The following ICA1L variants were observed in gnomAD, a reference collection of about 807,000 sequenced individuals.
The protein encoded by ICA1L is islet cell autoantigen 1 like.
A neutral mutation model predicts 61.3 loss-of-function variants in ICA1L; 50 were observed. The ratio of observed to expected loss-of-function variants is 0.82; its 90% CI spans 0.65 to 1.03. The LOEUF (loss-of-function observed/expected upper bound fraction) is 1.03, where lower values mean the gene tolerates loss of function less well. Ranked by LOEUF, ICA1L falls within the 50% of genes least tolerant of loss-of-function variation. The probability of loss-of-function intolerance (pLI) is 0.00; values close to 1 mark genes in which losing one functional copy is unlikely to be tolerated. For synonymous variants in ICA1L, 161 were observed against 191.3 expected (o/e 0.84, Z 1.31); for missense variants, 508 against 556.7 (o/e 0.91, Z 0.88).
chr2:202,869,750 A>G (rs1470053294), intron 1 of ICA1L: 1 of 152,206 alleles, frequency 6.6e-6, no homozygotes, highest in Non-Finnish European at 1.5e-5. Flanking sequence ...AAATTAAAAA[A>G]GGAATTTTAA....
chr2:202,812,109 G>GT (rs913394233), intron 8 of ICA1L, among the ~76,000 whole-genome samples: 3 of 152,142 alleles, frequency 2.0e-5, no homozygotes, highest in African/African-American at 7.2e-5. Flanking sequence ...GCCTTGAAAG[G>GT]TTTTAAGAAC....
At chr2:202,862,999 T>C (rs1055740440) in intron 1 of ICA1L, among the ~76,000 whole-genome samples, 5 of 149,282 alleles carry the variant, frequency 3.3e-5, no homozygotes, top group African/African-American at 1.2e-4. Context: ...ATACCTACAT[T>C]AGAAAAAAAA....
At chr2:202,871,434 C>T (rs1687711365) in intron 1 of ICA1L, 185 bp downstream of exon 1, 1 of 152,116 alleles carries the variant, frequency 6.6e-6, no homozygotes, top group African/African-American at 2.4e-5. Flanking sequence ...AGGCAGCGGC[C>T]GGGGTCCCCC....
At position 202,828,830 on chromosome 2, in the gene ICA1L, T is replaced by A; in HGVS notation, c.162+18A>T. On this transcript the variant is annotated intron_variant, in intron 2 of 12. Coordinates refer to ENST00000358299, the MANE Select transcript of ICA1L (RefSeq NM_001288622.3). Reference sequence around the variant, plus strand: ...ATAATGGCTGGTTATATGCAATACATAGAATCCTCAAATTTACCTCAAGTT... The same window carrying A: ...ATAATGGCTGGTTATATGCAATACAAAGAATCCTCAAATTTACCTCAAGTT... 1.2e-6 allele frequency: 2 copies of A among 1,608,710 alleles called. No individual in the cohort carries two copies. Among genetic ancestry groups the A allele is most frequent in the Non-Finnish European group, 1.7e-6 (2 of 1,175,092 alleles).
intron 12 of ICA1L, among the ~76,000 whole-genome samples, chr2:202,784,885 A>G (rs1484722208): frequency 6.6e-6 from 1 of 152,196 alleles, no homozygotes; most frequent in Non-Finnish European, 1.5e-5. Context: ...GTTTCACAGC[A>G]GTATGAACAT....
Position 202,779,536 on chromosome 2 carries a change from A to G in ICA1L, c.1446T>C (p.Ala482=), listed in dbSNP as rs773636449. 4 of 1,571,274 alleles carry G rather than the reference A, an allele frequency of 2.5e-6. No homozygotes were observed. Among genetic ancestry groups the G allele is most frequent in the Non-Finnish European group, 2.6e-6 (3 of 1,144,970 alleles). The change falls in exon 13 of 13, where the codon GCT becomes GCC. Residue 482 remains alanine (A), a synonymous_variant. Transcript: ENST00000358299. ...IGHSDDELLN[A] is the part of the protein sequence containing the mutation. The stretch of plus-strand genomic sequence containing the variant: ...TGAAGTGACATTATAACTTCAGTCA[A>G]GCATTAAGAAGTTCATCATCTGAGT...
Position 202,773,518 on chromosome 2 carries a change from T to A in ICA1L, c.*6015A>T, listed in dbSNP as rs1692119358. 6.1e-6 allele frequency: 2 copies of A among 329,562 alleles called. No individual in the cohort carries two copies. The highest frequency in any genetic ancestry group is 4.5e-5 in the Admixed American group (1 of 22,182). The allele number at this position is 329,562 out of a possible 1,614,324, so 20.4% of individuals were successfully genotyped here. ...AAAATGTTTCTTCTGATAAAGCAGT[T>A]ATGTCAGAGCCTTCAAAAAACACGG... On this transcript the variant is annotated 3_prime_UTR_variant, in exon 13 of 13. Coordinates refer to ENST00000358299, the MANE Select transcript of ICA1L (RefSeq NM_001288622.3).
In ICA1L at chr2:202,777,736, T is replaced by TG. The variant is rs1692268357; in HGVS notation, c.*1796dup. The TG allele has an allele frequency of 6.6e-6, 1 of 152,216 alleles. No homozygotes were observed. 9.4% of individuals were successfully genotyped at this position (152,216 alleles called of 1,614,324 possible). A position where few individuals can be genotyped will look rare whatever the true frequency, so the allele number is the denominator to read the frequency against. ...ATTGTAGATGGCTATGGATGGGACATGGACTGCATTTTACCTACTCTGGTC... is the reference window on the plus strand; with the variant it reads ...ATTGTAGATGGCTATGGATGGGACATGGGACTGCATTTTACCTACTCTGGTC... On this transcript the variant is annotated 3_prime_UTR_variant, in exon 13 of 13. Transcript: ENST00000358299.
chr2:202,797,897 T>C (rs574001230), intron 9 of ICA1L, among the ~76,000 whole-genome samples: 7 of 152,184 alleles, frequency 4.6e-5, no homozygotes, highest in East Asian at 1.9e-4. Context: ...TTGAACTTAC[T>C]CCTCCCGGTC....
intron 1 of ICA1L, among the ~76,000 whole-genome samples, chr2:202,865,060 G>A (rs550268229): frequency 6.6e-6 from 1 of 152,212 alleles, no homozygotes; most frequent in African/African-American, 2.4e-5. Context: ...CTACTCAGGA[G>A]GCTGAGGCAG....
intron 1 of ICA1L, chr2:202,870,527 T>C (rs1687671189): frequency 6.6e-6 from 1 of 152,150 alleles, no homozygotes; most frequent in Non-Finnish European, 1.5e-5. Flanking sequence ...AATACATACA[T>C]ACCATTCGGA....
In ICA1L at chr2:202,849,546, C is replaced by T. The variant is rs1311832522; in HGVS notation, c.-7-20530G>A. On this transcript the variant is annotated intron_variant, in intron 1 of 12. Transcript: ENST00000358299. The surrounding 1 kb of genome is among the most constrained non-coding windows in gnomAD (Gnocchi z 4.5). Reference sequence around the variant, plus strand: ...AGACTGGGCAGAACTCACCACAGTGCGGGAAAGTGGCTATGGCCAGACTGC... The same window carrying T: ...AGACTGGGCAGAACTCACCACAGTGTGGGAAAGTGGCTATGGCCAGACTGC... 6.6e-6 allele frequency among the ~76,000 whole-genome samples: 1 copy of T among 152,180 alleles called. No homozygotes were observed. Among genetic ancestry groups the T allele is most frequent in the African/African-American group, 2.4e-5 (1 of 41,448 alleles).
chr2:202,835,215 CTTTTTTTTT>C (rs544503963), intron 1 of ICA1L, among the ~76,000 whole-genome samples: 16 of 120,650 alleles, frequency 1.3e-4, no homozygotes, highest in Middle Eastern at 4.1e-3. Flanking sequence ...TGATTTCTTC[CTTTTTTTTT>C]TTTTTTTTTT....
chr2:202,847,883 T>A (rs1370617164), intron 1 of ICA1L, among the ~76,000 whole-genome samples: 1 of 151,956 alleles, frequency 6.6e-6, no homozygotes, highest in South Asian at 2.1e-4. Flanking sequence ...ATATACACCA[T>A]GGAATACTAT....
At chr2:202,825,906 A>G in intron 2 of ICA1L, 139 bp from the exon 3 acceptor site, 1 of 513,418 alleles carries the variant, frequency 1.9e-6, no homozygotes, top group Non-Finnish European at 3.2e-6. Flanking sequence ...TGGCTATGAC[A>G]TGCTTCAGTT....
Position 202,868,969 on chromosome 2 carries a change from AAAC to A in ICA1L, c.-8+2647_-8+2649del, listed in dbSNP as rs371799768. On this transcript the variant is annotated intron_variant, in intron 1 of 12. Coordinates refer to ENST00000358299, the MANE Select transcript of ICA1L (RefSeq NM_001288622.3). ...GGTGACAGAGCAAGACTCTGTCTCA[AAAC>A]AACAACAACAACAACAACAACAACA... Among the ~76,000 whole-genome samples the A allele has an allele frequency of 3.0e-3, 456 of 151,776 alleles. 2 individuals are homozygous for A. Among genetic ancestry groups the A allele is most frequent in the South Asian group, 0.017 (80 of 4,778 alleles).
chr2:202,777,168 T>G lies in ICA1L; in HGVS notation c.*2365A>C, dbSNP rs1692252170. 1 of 144,428 alleles carries G rather than the reference T, an allele frequency of 6.9e-6. No individual in the cohort carries two copies. The highest frequency in any genetic ancestry group is 7.3e-5 in the Admixed American group (1 of 13,686). The allele number at this position is 144,428 out of a possible 1,614,324, so 8.9% of individuals were successfully genotyped here. On this transcript the variant is annotated 3_prime_UTR_variant, in exon 13 of 13. Transcript: ENST00000358299. ...CCTGGGTTCAAGCAATTCTTCTGCC[T>G]CAGCCTCCTGAGTAGCTGGGATTAC...
At chr2:202,850,610 A>G (rs963266335) in intron 1 of ICA1L, among the ~76,000 whole-genome samples, 1 of 152,212 alleles carries the variant, frequency 6.6e-6, no homozygotes, top group South Asian at 2.1e-4. Flanking sequence ...AAAGGAATGA[A>G]CAAAGCCCTC....
At chr2:202,787,943 C>T (rs181592630) in intron 11 of ICA1L, among the ~76,000 whole-genome samples, 4 of 152,242 alleles carry the variant, frequency 2.6e-5, no homozygotes, top group East Asian at 3.9e-4. Flanking sequence ...CTCAGGCCCA[C>T]GTCCAAGCTC....
Sources: gnomAD v4.1 joint callset for allele counts (sites outside exome capture counted in the v4.1 genomes callset) on GRCh38, gnomAD v4.1.1 for gene constraint, Gnocchi (gnomAD v3.1) non-coding constraint, MANE v1.5 for transcripts, NCBI Gene and HGNC (gene_info 2026-07-23, HGNC 2026-07-21) for gene names.